The following STARD13 variants were observed in gnomAD, a reference collection of about 807,000 sequenced individuals.
STARD13 encodes stAR-related lipid transfer protein 13.
In STARD13, 62 loss-of-function variants were observed where a neutral mutation model predicts 106.4. The observed-to-expected ratio is 0.58, with a 90% confidence interval of 0.48 to 0.72. The LOEUF is 0.72. Among genes scored for constraint, STARD13 ranks in the 30% least tolerant of loss-of-function variants. The pLI is 0.00. For synonymous variants in STARD13, 565 were observed against 553.0 expected, an observed-to-expected ratio of 1.02 and a Z score of -0.31; for missense variants, 1,387 against 1,424.0, an observed-to-expected ratio of 0.97 and a Z score of 0.42.
the STARD13 span, among the ~76,000 whole-genome samples, chr13:33,485,728 T>C: frequency 6.6e-6 from 1 of 152,202 alleles, no homozygotes; most frequent in East Asian, 1.9e-4. Flanking sequence ...GGTACCATCA[T>C]TGATAGTACT....
chr13:33,416,685 A>G, the STARD13 span, among the ~76,000 whole-genome samples: 3 of 152,236 alleles, frequency 2.0e-5, no homozygotes, highest in Non-Finnish European at 2.9e-5. Context: ...ACACACAAAA[A>G]TTAATTCCAA....
the STARD13 span, among the ~76,000 whole-genome samples, chr13:33,356,491 G>C: frequency 6.6e-6 from 1 of 152,138 alleles, no homozygotes; most frequent in Non-Finnish European, 1.5e-5. Context: ...ATAGACAGAG[G>C]AGGTAGCCAA....
chr13:33,316,476 C>A (rs1376675653), intron 1 of STARD13, among the ~76,000 whole-genome samples: 3 of 152,136 alleles, frequency 2.0e-5, no homozygotes, highest in Admixed American at 6.5e-5. Flanking sequence ...CAGAAGCTGT[C>A]CCAGGATAGG....
intron 4 of STARD13, among the ~76,000 whole-genome samples, chr13:33,135,587 AT>A (rs1355662450): frequency 3.3e-5 from 5 of 152,240 alleles, no homozygotes; most frequent in Admixed American, 6.5e-5. Context: ...CTGAAGATGA[AT>A]TTTGGAAATA....
At chr13:33,667,802 T>C in the STARD13 span, among the ~76,000 whole-genome samples, 7 of 152,364 alleles carry the variant, frequency 4.6e-5, no homozygotes, top group South Asian at 1.2e-3. Flanking sequence ...AGAGTCATGT[T>C]AAATGAGCAT....
chr13:33,109,418 T>C (rs1294662677), intron 12 of STARD13, among the ~76,000 whole-genome samples: 1 of 152,154 alleles, frequency 6.6e-6, no homozygotes, highest in African/African-American at 2.4e-5. Flanking sequence ...TAGTAATAGC[T>C]ATGAGCATCT....
the STARD13 span, among the ~76,000 whole-genome samples, chr13:33,610,316 G>GA: frequency 2.4e-3 from 358 of 151,854 alleles, 5 homozygotes; most frequent in African/African-American, 7.8e-3. Flanking sequence ...TATTTAAGGA[G>GA]AAAAAAAAGC....
chr13:33,289,199 T>C (rs1250118163), upstream of STARD13, among the ~76,000 whole-genome samples: 3 of 152,216 alleles, frequency 2.0e-5, no homozygotes, highest in Non-Finnish European at 4.4e-5. Flanking sequence ...GGAAAACAGA[T>C]GGCACTTGTG....
At chr13:33,339,731 C>T (rs2077938395) in intron 1 of STARD13, among the ~76,000 whole-genome samples, 1 of 152,140 alleles carries the variant, frequency 6.6e-6, no homozygotes, top group African/African-American at 2.4e-5. Context: ...GACTTATGTT[C>T]ATTGTAACAA....
At chr13:33,320,621 C>A (rs1051143137) in intron 1 of STARD13, among the ~76,000 whole-genome samples, 1 of 152,138 alleles carries the variant, frequency 6.6e-6, no homozygotes, top group South Asian at 2.1e-4. Context: ...AGATTATATA[C>A]CTTATGTATA....
At chr13:33,571,740 C>T in the STARD13 span, among the ~76,000 whole-genome samples, 1 of 152,156 alleles carries the variant, frequency 6.6e-6, no homozygotes, top group Non-Finnish European at 1.5e-5. Flanking sequence ...ATGTAGCCTG[C>T]TTTGTACCAG....
At chr13:33,268,066 C>T (rs530975872) in intron 1 of STARD13, among the ~76,000 whole-genome samples, 9 of 152,300 alleles carry the variant, frequency 5.9e-5, no homozygotes, top group Admixed American at 1.3e-4. Context: ...AGGTTAGACA[C>T]GCTTCTGTCA....
At chr13:33,335,724 G>A (rs1274393464) in intron 1 of STARD13, among the ~76,000 whole-genome samples, 2 of 152,188 alleles carry the variant, frequency 1.3e-5, no homozygotes, top group Admixed American at 1.3e-4. Flanking sequence ...AGCTACATTC[G>A]CCAAGCCTCA....
intron 2 of STARD13, among the ~76,000 whole-genome samples, chr13:33,166,366 G>A (rs1883312703): frequency 6.6e-6 from 1 of 152,000 alleles, no homozygotes; most frequent in African/African-American, 2.4e-5. Context: ...TCCTTCCTAG[G>A]GTCTGGTTTG....
chr13:33,441,423 T>C, the STARD13 span, among the ~76,000 whole-genome samples: 1 of 152,144 alleles, frequency 6.6e-6, no homozygotes, highest in East Asian at 1.9e-4. Flanking sequence ...GTGGTTAAGA[T>C]AATATGTTTA....
At chr13:33,428,458 C>T in the STARD13 span, among the ~76,000 whole-genome samples, 4 of 151,896 alleles carry the variant, frequency 2.6e-5, no homozygotes, top group South Asian at 2.1e-4. Flanking sequence ...AAAAGGAACT[C>T]GAAAAACTCA....
chr13:33,327,426 G>A (rs1241348489), intron 1 of STARD13, among the ~76,000 whole-genome samples: 1 of 152,212 alleles, frequency 6.6e-6, no homozygotes, highest in Admixed American at 6.5e-5. Context: ...CTGGAGTGCA[G>A]TGGCACAATC....
At chr13:33,289,007 A>G (rs1278708743), upstream of STARD13, among the ~76,000 whole-genome samples, 1 of 152,172 alleles carries the variant, frequency 6.6e-6, no homozygotes, top group Non-Finnish European at 1.5e-5. Flanking sequence ...CTGTTGTATT[A>G]GAATCAAGAA....
upstream of STARD13, among the ~76,000 whole-genome samples, chr13:33,289,451 A>G (rs908180896): frequency 2.0e-5 from 3 of 152,206 alleles, no homozygotes; most frequent in African/African-American, 7.2e-5. Flanking sequence ...CACTGGAGGT[A>G]TCTGATTGGA....
Sources: allele counts gnomAD v4.1 joint callset (sites outside exome capture counted in the v4.1 genomes callset), GRCh38; gene constraint gnomAD v4.1.1; transcripts MANE v1.5; gene names NCBI Gene and HGNC (gene_info 2026-07-23, HGNC 2026-07-21).